The following C1orf94 variants were observed in gnomAD, a reference collection of about 807,000 sequenced individuals.
C1orf94 encodes the protein chromosome 1 open reading frame 94, also known as uncharacterized protein C1orf94.
C1orf94 carries 45 observed loss-of-function variants against 53.6 expected under a neutral mutation model. The observed-to-expected ratio is 0.84, with a 90% CI of 0.66 to 1.08. The LOEUF (loss-of-function observed/expected upper bound fraction) is 1.08. C1orf94 is among the 50% of genes least tolerant of loss of function. C1orf94 has a pLI of 0.00. For missense variants in C1orf94, 762 were observed against 738.9 expected, an observed-to-expected ratio of 1.03 and a Z score of -0.36; for synonymous variants, 304 against 296.1, an observed-to-expected ratio of 1.03 and a Z score of -0.27.
chr1:34,192,818 A>C (rs974835514), intron 1 of C1orf94, among the ~76,000 whole-genome samples: 1 of 152,208 alleles, frequency 6.6e-6, no homozygotes, highest in Non-Finnish European at 1.5e-5. Flanking sequence ...GAAGCATTCC[A>C]TAGGAAGTGC....
intron 2 of C1orf94, among the ~76,000 whole-genome samples, chr1:34,198,340 G>A (rs1290031548): frequency 6.6e-6 from 1 of 152,214 alleles, no homozygotes; most frequent in Non-Finnish European, 1.5e-5. Context: ...TCTATCTCAT[G>A]GAGGTACCTT....
chr1:34,218,119 T>A (rs539286307), intron 6 of C1orf94, among the ~76,000 whole-genome samples: 25 of 152,214 alleles, frequency 1.6e-4, no homozygotes, highest in Middle Eastern at 3.4e-3. Context: ...AACCCTTCCT[T>A]CCCTGAGGGT....
rs371841449 is a variant in C1orf94 at position 34,215,351 on chromosome 1, T to C, written c.1721+2945T>C. On this transcript the variant is annotated intron_variant, in intron 6 of 6. Transcript: ENST00000488417. ...CTAGACAGGGCCTGGTAGGCATGGC[T>C]AGAAGTCTTGTTTCAGGAGCAGTGG... 1.4e-4 allele frequency among the ~76,000 whole-genome samples: 21 copies of C among 152,362 alleles called. 1 individual carries two copies. The East Asian group carries it at 2.3e-3, about 17-fold the overall frequency.
Position 34,177,764 on chromosome 1 carries a change from C to T in C1orf94, c.-26C>T, listed in dbSNP as rs1213852255. ...CAGAACTGACCCACTTCTGCCAAGCCCCATCCTCATCTCCCTTTCTGGTGA... is the reference window on the plus strand; with the variant it reads ...CAGAACTGACCCACTTCTGCCAAGCTCCATCCTCATCTCCCTTTCTGGTGA... On this transcript the variant is annotated 5_prime_UTR_variant, in exon 1 of 7. Transcript: ENST00000488417. 17 of 1,510,072 alleles carry T rather than the reference C, an allele frequency of 1.1e-5. No homozygotes were observed. The South Asian group carries it at 1.4e-4, about 12-fold the overall frequency. The allele number at this position is 1,510,072 out of a possible 1,614,324, so 93.5% of individuals were successfully genotyped here.
chr1:34,167,730 C>G (rs1571329586), intron 1 of C1orf94, among the ~76,000 whole-genome samples: 1 of 151,814 alleles, frequency 6.6e-6, no homozygotes, highest in Non-Finnish European at 1.5e-5. Context: ...TAACTGATAC[C>G]GTCAGACAGC....
At chr1:34,200,584 G>T (rs1257151089) in intron 2 of C1orf94, among the ~76,000 whole-genome samples, 188 bp from the exon 3 acceptor site, 1 of 152,106 alleles carries the variant, frequency 6.6e-6, no homozygotes, top group Non-Finnish European at 1.5e-5. Flanking sequence ...ATGAGATCGG[G>T]GGGCAGGGGC....
At chr1:34,216,511 T>C (rs1642991032) in intron 6 of C1orf94, among the ~76,000 whole-genome samples, 1 of 152,004 alleles carries the variant, frequency 6.6e-6, no homozygotes, top group Non-Finnish European at 1.5e-5. Flanking sequence ...TGGAACAAGA[T>C]CAAGGTGAGG....
intron 4 of C1orf94, 125 bp from the exon 5 acceptor site, chr1:34,208,032 C>T (rs1293578522): frequency 2.2e-6 from 2 of 893,348 alleles, no homozygotes; most frequent in African/African-American, 1.7e-5. Flanking sequence ...CCTCAGACAG[C>T]CCATGGGTCT....
At chr1:34,191,543 C>A (rs1642492771) in intron 1 of C1orf94, among the ~76,000 whole-genome samples, 1 of 152,158 alleles carries the variant, frequency 6.6e-6, no homozygotes, top group African/African-American at 2.4e-5. Flanking sequence ...TCACCCAAAG[C>A]CATGAGGTCA....
chr1:34,195,273 C>T (rs745679294), intron 1 of C1orf94, among the ~76,000 whole-genome samples: 15 of 152,286 alleles, frequency 9.8e-5, no homozygotes, highest in Non-Finnish European at 1.5e-4. Context: ...GCTGAGCTCA[C>T]GTACCAGTGA....
chr1:34,181,943 CA>C (rs774744873), intron 1 of C1orf94, among the ~76,000 whole-genome samples: 1 of 152,084 alleles, frequency 6.6e-6, no homozygotes, highest in Non-Finnish European at 1.5e-5. Flanking sequence ...CCTGCAATCC[CA>C]ACACTTTGGG....
At chr1:34,205,454 C>G (rs1166120076) in intron 4 of C1orf94, among the ~76,000 whole-genome samples, 1 of 152,220 alleles carries the variant, frequency 6.6e-6, no homozygotes, top group Non-Finnish European at 1.5e-5. Context: ...AAAGGTTCTG[C>G]TGCTTCCAAG....
chr1:34,217,689 G>C (rs1280177314), intron 6 of C1orf94, among the ~76,000 whole-genome samples: 1 of 152,198 alleles, frequency 6.6e-6, no homozygotes, highest in Non-Finnish European at 1.5e-5. Context: ...AGAGTTAGCT[G>C]CTGAGGCACT....
chr1:34,214,643 A>G (rs1039766977), intron 6 of C1orf94, among the ~76,000 whole-genome samples: 1 of 152,170 alleles, frequency 6.6e-6, no homozygotes. Context: ...GGTGGTCTCA[A>G]TGTCTCCTCA....
rs367590508 is a variant in C1orf94, at chr1:34,197,306, G to C, written c.402G>C (p.Ser134=). 3.8e-6 allele frequency: 6 copies of C among 1,558,994 alleles called. No homozygotes were observed. The highest frequency in any genetic ancestry group is 1.7e-4 in the Middle Eastern group (1 of 6,004). The part of the protein sequence containing the change: ...QEFLSLTKEH[S]ILVEESSGEL... ...TCCTAAGCCTCACCAAAGAGCACTC[G>C]ATCCTGGTCGAAGAGAGTTCTGGGG... The change falls in exon 2 of 7, where the codon TCG becomes TCC. Residue 134 remains serine, a synonymous_variant. Coordinates refer to ENST00000488417, the MANE Select transcript of C1orf94 (RefSeq NM_001134734.2). This position sits in a 1 kb window ranked among gnomAD's most constrained non-coding sequence, Gnocchi z 4.1.
chr1:34,167,721 A>T (rs1001465547), intron 1 of C1orf94, among the ~76,000 whole-genome samples: 4 of 152,142 alleles, frequency 2.6e-5, no homozygotes, highest in Non-Finnish European at 5.9e-5. Context: ...ACCCACACGT[A>T]ACTGATACCG....
chr1:34,197,034 C>T lies in C1orf94; in HGVS notation c.321-191C>T, dbSNP rs919673527. On this transcript the variant is annotated intron_variant, in intron 1 of 6. Transcript: ENST00000488417. The surrounding 1 kb of genome is among the most constrained non-coding windows in gnomAD (Gnocchi z 4.1). ...TCCCCATTTTTCAAAACCATGCTCT[C>T]AGTGCTGCATCCTACCGCTGTGGTA... Among the ~76,000 whole-genome samples the T allele has an allele frequency of 1.3e-5, 2 of 152,248 alleles. No homozygotes were observed. Among genetic ancestry groups the T allele is most frequent in the Admixed American group, 6.5e-5 (1 of 15,282 alleles).
At chr1:34,201,941 C>T (rs1018452247) in intron 3 of C1orf94, 143 bp from the exon 4 acceptor site, 8 of 727,826 alleles carry the variant, frequency 1.1e-5, no homozygotes, top group Non-Finnish European at 1.8e-5. Flanking sequence ...TGGAAATGTA[C>T]TAGAACTTTG....
At chr1:34,178,287 T>C (rs1251107247) in intron 1 of C1orf94, among the ~76,000 whole-genome samples, 178 bp downstream of exon 1, 1 of 152,240 alleles carries the variant, frequency 6.6e-6, no homozygotes, top group East Asian at 1.9e-4. Flanking sequence ...TCTGAAGTTT[T>C]GTGGGTGAAG....
Sources: gnomAD v4.1 joint callset for allele counts (sites outside exome capture counted in the v4.1 genomes callset) on GRCh38, gnomAD v4.1.1 for gene constraint, Gnocchi (gnomAD v3.1) non-coding constraint, MANE v1.5 for transcripts, NCBI Gene and HGNC (gene_info 2026-07-23, HGNC 2026-07-21) for gene names.